Variants in GALNTL6 observed in about 807,000 individuals in gnomAD.
GALNTL6 encodes the protein polypeptide N-acetylgalactosaminyltransferase like 6.
A neutral mutation model predicts 73.7 loss-of-function variants in GALNTL6; 46 were observed. The ratio of observed to expected loss-of-function variants is 0.62; its 90% confidence interval spans 0.49 to 0.80. The LOEUF (loss-of-function observed/expected upper bound fraction) is 0.80. GALNTL6 is among the 30% of genes least tolerant of loss of function. GALNTL6 has a pLI of 0.00. For missense variants in GALNTL6, 604 were observed against 755.0 expected (o/e 0.80, Z 2.34); for synonymous variants, 259 against 263.7 (o/e 0.98, Z 0.17).
chr4:172,346,575 A>G (rs1310821691), intron 4 of GALNTL6, among the ~76,000 whole-genome samples: 1 of 152,220 alleles, frequency 6.6e-6, no homozygotes, highest in Non-Finnish European at 1.5e-5. Flanking sequence ...AAATAATCTT[A>G]TAGCACTCTA....
chr4:172,471,498 G>C (rs928444458), intron 5 of GALNTL6, among the ~76,000 whole-genome samples: 8 of 151,950 alleles, frequency 5.3e-5, no homozygotes, highest in Non-Finnish European at 8.8e-5. Context: ...TCACATTACT[G>C]TTCTCTTTCA....
chr4:172,401,186 A>G (rs1744022347), intron 5 of GALNTL6, among the ~76,000 whole-genome samples: 1 of 152,132 alleles, frequency 6.6e-6, no homozygotes, highest in South Asian at 2.1e-4. Flanking sequence ...TATATGAAAC[A>G]TACACACACA....
chr4:172,552,746 T>G (rs890156537), intron 5 of GALNTL6, among the ~76,000 whole-genome samples: 1 of 146,690 alleles, frequency 6.8e-6, no homozygotes. Context: ...TTTTTTTTTT[T>G]AATTCTATAT....
chr4:173,021,751 T>C, intron 12 of GALNTL6, 126 bp downstream of exon 12: 1 of 970,356 alleles, frequency 1.0e-6, no homozygotes, highest in East Asian at 2.5e-5. Flanking sequence ...CCTGGCACTC[T>C]GGGAGGTCGA....
At chr4:172,134,441 G>A (rs1733584092) in intron 2 of GALNTL6, among the ~76,000 whole-genome samples, 3 of 151,700 alleles carry the variant, frequency 2.0e-5, no homozygotes, top group Non-Finnish European at 4.4e-5. Flanking sequence ...AGGAAAACAT[G>A]GTTTATTCAT....
chr4:172,365,739 C>T (rs950618692), intron 5 of GALNTL6, among the ~76,000 whole-genome samples: 1 of 151,052 alleles, frequency 6.6e-6, no homozygotes, highest in Non-Finnish European at 1.5e-5. Flanking sequence ...GTATGTAGTG[C>T]GAGCCTCTAA....
intron 5 of GALNTL6, among the ~76,000 whole-genome samples, chr4:172,803,743 AT>A (rs1199710365): frequency 4.6e-5 from 7 of 152,040 alleles, no homozygotes; most frequent in South Asian, 4.1e-4. Flanking sequence ...TTATCTATTT[AT>A]TTTTTTCCCA....
Position 172,069,869 on chromosome 4 carries a change from C to T in GALNTL6, c.139-159787C>T, listed in dbSNP as rs1470533063. Among the ~76,000 whole-genome samples, 5 of 106,378 alleles carry T rather than the reference C, an allele frequency of 4.7e-5. 2 individuals are homozygous for T. The highest frequency in any genetic ancestry group is 4.3e-4 in the East Asian group (2 of 4,686). 69.8% of individuals were successfully genotyped at this position (106,378 alleles called of 152,430 possible). ...AAACACACCTGCTTTCCTAGTTGTT[C>T]GGGGAAAAGTATAATAGGGAAATAA... On this transcript the variant is annotated intron_variant, in intron 2 of 12. Coordinates refer to ENST00000506823, the MANE Select transcript of GALNTL6 (RefSeq NM_001034845.3).
chr4:172,113,601 C>A (rs369256158), intron 2 of GALNTL6, among the ~76,000 whole-genome samples: 1 of 152,042 alleles, frequency 6.6e-6, no homozygotes, highest in South Asian at 2.1e-4. Flanking sequence ...TTGAATTAAA[C>A]ATTTCAGTAG....
In GALNTL6 at chr4:172,335,147, C is replaced by T. The variant is rs201339005; in HGVS notation, c.387-13376C>T. Among the ~76,000 whole-genome samples, 132 of 152,106 alleles carry T rather than the reference C, an allele frequency of 8.7e-4. 2 individuals are homozygous for T. In the South Asian group the frequency reaches 0.016, roughly 18 times the overall value. On this transcript the variant is annotated intron_variant, in intron 4 of 12. Coordinates refer to ENST00000506823, the MANE Select transcript of GALNTL6 (RefSeq NM_001034845.3). ...TATTTTTAGTAGAGACGGGTTTCAC[C>T]GTGTTAGCCAGGAGGGTCTCCATCT...
At chr4:172,194,089 G>A (rs1177852216) in intron 2 of GALNTL6, among the ~76,000 whole-genome samples, 1 of 152,122 alleles carries the variant, frequency 6.6e-6, no homozygotes, top group African/African-American at 2.4e-5. Flanking sequence ...TAAGAACCAT[G>A]ATAAAACATT....
chr4:172,177,816 T>TGTATATATACACACACATATATGTGC (rs1735087152), intron 2 of GALNTL6, among the ~76,000 whole-genome samples: 1 of 131,956 alleles, frequency 7.6e-6, no homozygotes, highest in Non-Finnish European at 1.6e-5. Context: ...CATATATGTG[T>TGTATATATACACACACATATATGTGC]GTGTATATAT....
intron 2 of GALNTL6, among the ~76,000 whole-genome samples, chr4:171,868,864 A>G (rs189127827): frequency 3.4e-4 from 51 of 152,192 alleles, no homozygotes; most frequent in Non-Finnish European, 6.3e-4. Context: ...TATTTTTAGT[A>G]GAGACAGGGT....
chr4:172,452,373 G>GAA (rs11370886), intron 5 of GALNTL6, among the ~76,000 whole-genome samples: 3 of 149,534 alleles, frequency 2.0e-5, no homozygotes, highest in African/African-American at 4.9e-5. Flanking sequence ...AGCAGCGAAA[G>GAA]AAAAAAAAAA....
chr4:172,628,613 T>G (rs969137805), intron 5 of GALNTL6, among the ~76,000 whole-genome samples: 8 of 151,998 alleles, frequency 5.3e-5, no homozygotes, highest in African/African-American at 1.7e-4. Flanking sequence ...CTTCAGCTTC[T>G]TTGTGCCCAT....
intron 3 of GALNTL6, among the ~76,000 whole-genome samples, chr4:172,245,858 C>T (rs11945364): frequency 0.01 from 1,536 of 152,234 alleles, 25 homozygotes; most frequent in African/African-American, 0.035. Flanking sequence ...GACTTCAGAA[C>T]CACAATGCCA....
chr4:172,172,945 T>G (rs1734879454), intron 2 of GALNTL6, among the ~76,000 whole-genome samples: 1 of 152,162 alleles, frequency 6.6e-6, no homozygotes, highest in Non-Finnish European at 1.5e-5. Flanking sequence ...TCTGGGAGAA[T>G]GAGGTGAAGT....
intron 7 of GALNTL6, among the ~76,000 whole-genome samples, chr4:172,852,591 T>C (rs1160750242): frequency 6.6e-6 from 1 of 152,120 alleles, no homozygotes; most frequent in Admixed American, 6.6e-5. Flanking sequence ...AGAGTATATG[T>C]TTATTCGGGG....
At chr4:172,450,417 A>G (rs188813955) in intron 5 of GALNTL6, among the ~76,000 whole-genome samples, 1 of 152,104 alleles carries the variant, frequency 6.6e-6, no homozygotes, top group East Asian at 1.9e-4. Context: ...CTCCACTAAC[A>G]TGATCCTTGC....
Sources: gnomAD v4.1 joint callset for allele counts (sites outside exome capture counted in the v4.1 genomes callset) on GRCh38, gnomAD v4.1.1 for gene constraint, MANE v1.5 for transcripts, NCBI Gene and HGNC (gene_info 2026-07-23, HGNC 2026-07-21) for gene names.